Variants in DMGDH observed in about 807,000 individuals in gnomAD.
DMGDH encodes dimethylglycine dehydrogenase.
A neutral mutation model predicts 95.2 loss-of-function variants in DMGDH; 76 were observed. The observed-to-expected ratio is 0.80, with a 90% confidence interval of 0.66 to 0.97. The LOEUF is 0.97. Among genes scored for constraint, DMGDH ranks in the 50% least tolerant of loss-of-function variants. DMGDH has a pLI of 0.00. For synonymous variants in DMGDH, 345 were observed against 377.6 expected, an observed-to-expected ratio of 0.91 and a Z score of 1.00; for missense variants, 987 against 1,055.0, an observed-to-expected ratio of 0.94 and a Z score of 0.89.
At chr5:79,007,727 C>T (rs1298346040) in intron 14 of DMGDH, among the ~76,000 whole-genome samples, 1 of 152,188 alleles carries the variant, frequency 6.6e-6, no homozygotes, top group African/African-American at 2.4e-5. Flanking sequence ...ATCATGGAAT[C>T]TGAATCTTTA....
chr5:79,067,206 C>T (rs1001940196), intron 1 of DMGDH, among the ~76,000 whole-genome samples: 2 of 152,192 alleles, frequency 1.3e-5, no homozygotes, highest in African/African-American at 2.4e-5. Context: ...CCTGGTGCCA[C>T]AACATGTTTC....
intron 14 of DMGDH, among the ~76,000 whole-genome samples, chr5:79,006,434 G>C (rs1753547488): frequency 6.6e-6 from 1 of 152,216 alleles, no homozygotes; most frequent in African/African-American, 2.4e-5. Context: ...AGAGAGCACT[G>C]AGAGTGAGCG....
At chr5:79,026,240 T>G (rs1174719960) in intron 13 of DMGDH, among the ~76,000 whole-genome samples, 184 bp downstream of exon 13, 1 of 152,162 alleles carries the variant, frequency 6.6e-6, no homozygotes, top group African/African-American at 2.4e-5. Flanking sequence ...TATGTCAGAA[T>G]TCCACTGAAC....
intron 7 of DMGDH, among the ~76,000 whole-genome samples, chr5:79,033,917 G>C (rs56145928): frequency 6.6e-6 from 1 of 152,034 alleles, no homozygotes; most frequent in Non-Finnish European, 1.5e-5. Context: ...GGGTAACAAA[G>C]CAAGACCCTC....
intron 2 of DMGDH, 67 bp from the exon 3 acceptor site, chr5:79,055,975 C>T (rs1309346220): frequency 1.9e-6 from 2 of 1,068,374 alleles, no homozygotes; most frequent in East Asian, 2.5e-5. Context: ...GACAGTTTAT[C>T]TGTTAAGCAA....
chr5:79,044,608 A>G, intron 5 of DMGDH, 56 bp from the exon 6 acceptor site: 1 of 1,585,298 alleles, frequency 6.3e-7, no homozygotes, highest in Non-Finnish European at 8.6e-7. Flanking sequence ...CATAACTGAC[A>G]CTCATATAGC....
intron 14 of DMGDH, among the ~76,000 whole-genome samples, chr5:79,014,399 C>A (rs1468908097): frequency 1.3e-5 from 2 of 152,134 alleles, no homozygotes; most frequent in Admixed American, 1.3e-4. Context: ...ACTGCTTTGG[C>A]CAACAACTAT....
At position 79,057,389 on chromosome 5, in the gene DMGDH, A is replaced by C. The variant is rs528129460; in HGVS notation, c.277-1481T>G. On this transcript the variant is annotated intron_variant, in intron 2 of 15. Coordinates refer to ENST00000255189, the MANE Select transcript of DMGDH (RefSeq NM_013391.3). ...TTAGGAGTATTTATAAGGTACTTCT[A>C]TGGTAGTGGTGGGCATTTCATCCTC... Among the ~76,000 whole-genome samples the C allele has an allele frequency of 1.2e-4, 18 of 152,316 alleles. 1 individual carries two copies. The highest frequency in any genetic ancestry group is 4.3e-4 in the African/African-American group (18 of 41,562).
At chr5:79,020,358 T>C (rs1234940460) in intron 14 of DMGDH, among the ~76,000 whole-genome samples, 1 of 152,216 alleles carries the variant, frequency 6.6e-6, no homozygotes, top group African/African-American at 2.4e-5. Context: ...TCAATTCTTA[T>C]TACCATTTAC....
Position 79,030,979 on chromosome 5 carries a change from T to C in DMGDH, c.1537A>G (p.Asn513Asp). The C allele has an allele frequency of 6.2e-7, 1 of 1,614,192 alleles. No individual in the cohort carries two copies. Residue 513 changes from asparagine (N) to aspartate (D), a missense_variant, in exon 10 of 16, where the codon AAC becomes GAC. Transcript: ENST00000255189. ...TQYRPSFRRT[N>D]WFEPVGSEYK... ...TCCGAGCCCACAGGCTCAAACCAGT[T>C]TGTGCGGCGAAAACTTGGCCTGAAA... is the stretch of plus-strand genomic sequence containing the variant.
In DMGDH at chr5:79,066,663, T is replaced by C. The variant is rs532081863; in HGVS notation, c.101+2857A>G. Among the ~76,000 whole-genome samples, 26 of 152,292 alleles carry C rather than the reference T, an allele frequency of 1.7e-4. No individual in the cohort carries two copies. In the South Asian group the frequency reaches 5.2e-3, roughly 30 times the overall value. ...GTCTGGTGTTTCCTCATGATGAGAC[T>C]TATGTTATGCATTTTTGGCAAAAAC... On this transcript the variant is annotated intron_variant, in intron 1 of 15. Coordinates refer to ENST00000255189, the MANE Select transcript of DMGDH (RefSeq NM_013391.3).
In DMGDH at chr5:79,026,460, T is replaced by C; in HGVS notation, c.2154A>G (p.Leu718=). ...DNFGTYAMNA[L]RLEKAFRAWG... is the part of the protein sequence containing the mutation. ...AGGCTCTGAAGGCTTTCTCCAGGCGTAAGGCATTCATGGCATAGGTTCCAA... is the reference window on the plus strand; with the variant it reads ...AGGCTCTGAAGGCTTTCTCCAGGCGCAAGGCATTCATGGCATAGGTTCCAA... The change falls in exon 13 of 16, where the codon TTA becomes TTG. Residue 718 remains leucine, a synonymous_variant. Transcript: ENST00000255189. 1.2e-6 allele frequency: 2 copies of C among 1,614,142 alleles called. No individual in the cohort carries two copies. The highest frequency in any genetic ancestry group is 1.7e-6 in the Non-Finnish European group (2 of 1,180,002).
intron 1 of DMGDH, among the ~76,000 whole-genome samples, chr5:79,067,699 C>A (rs1755417761): frequency 6.6e-6 from 1 of 152,110 alleles, no homozygotes; most frequent in Admixed American, 6.5e-5. Flanking sequence ...ATGTGGATAA[C>A]TATCTTAAAA....
At chr5:79,011,339 T>C (rs886912154) in intron 14 of DMGDH, among the ~76,000 whole-genome samples, 2 of 152,210 alleles carry the variant, frequency 1.3e-5, no homozygotes, top group African/African-American at 4.8e-5. Context: ...CAAAGTGAGT[T>C]AGCACCAAAC....
chr5:79,042,860 G>A (rs1488635815), intron 6 of DMGDH, among the ~76,000 whole-genome samples: 1 of 152,060 alleles, frequency 6.6e-6, no homozygotes, highest in Non-Finnish European at 1.5e-5. Flanking sequence ...TGAGATGAGG[G>A]CAAATGGGAG....
rs142491198 is a variant in DMGDH at position 79,017,233 on chromosome 5, C to A, written c.2250+7038G>T. Among the ~76,000 whole-genome samples the A allele has an allele frequency of 1.3e-4, 20 of 151,570 alleles. No homozygotes were observed. The East Asian group carries it at 3.5e-3, about 26-fold the overall frequency. On this transcript the variant is annotated intron_variant, in intron 14 of 15. Coordinates refer to ENST00000255189, the MANE Select transcript of DMGDH (RefSeq NM_013391.3). Reference sequence around the variant, plus strand: ...TTAAAAATGGCTCTTTGAAAGACACCATGAGACAAATGAAAAGTCAAGACA... The same window carrying A: ...TTAAAAATGGCTCTTTGAAAGACACAATGAGACAAATGAAAAGTCAAGACA...
At chr5:79,064,861 T>C (rs1755325357) in intron 1 of DMGDH, among the ~76,000 whole-genome samples, 1 of 152,184 alleles carries the variant, frequency 6.6e-6, no homozygotes, top group South Asian at 2.1e-4. Context: ...GCAATTCTCC[T>C]GCCTCAGCCT....
At chr5:79,009,357 TTTC>T (rs1187806215) in intron 14 of DMGDH, among the ~76,000 whole-genome samples, 1 of 90,894 alleles carries the variant, frequency 1.1e-5, no homozygotes, top group African/African-American at 5.6e-5. Context: ...TTTCTTTTCT[TTTC>T]TTTTCTTTTT....
intron 14 of DMGDH, among the ~76,000 whole-genome samples, chr5:79,009,382 A>C (rs1753606158): frequency 8.9e-6 from 1 of 112,728 alleles, no homozygotes; most frequent in East Asian, 3.2e-4. Context: ...TTTTTTTGAG[A>C]CAGAATCTCT....
Sources: allele counts gnomAD v4.1 joint callset (sites outside exome capture counted in the v4.1 genomes callset), GRCh38; gene constraint gnomAD v4.1.1; transcripts MANE v1.5; gene names NCBI Gene and HGNC (gene_info 2026-07-23, HGNC 2026-07-21).